Variants in SORBS2 observed in about 807,000 individuals in gnomAD.
SORBS2 encodes sorbin and SH3 domain-containing protein 2.
SORBS2 carries 46 observed loss-of-function variants against 97.7 expected under a neutral mutation model. That is an observed-to-expected ratio of 0.47 (90% confidence interval 0.37 to 0.60). The LOEUF (loss-of-function observed/expected upper bound fraction) is 0.60. SORBS2 is among the 20% of genes least tolerant of loss of function. The pLI is 0.00. For missense variants in SORBS2, 1,316 were observed against 1,282.3 expected (o/e 1.03, Z -0.40); for synonymous variants, 476 against 473.4 (o/e 1.01, Z -0.07).
At chr4:185,788,554 A>G (rs1397455226) in intron 1 of SORBS2, among the ~76,000 whole-genome samples, 8 of 152,218 alleles carry the variant, frequency 5.3e-5, no homozygotes, top group Non-Finnish European at 8.8e-5. Flanking sequence ...AATTATTCGT[A>G]CAAGGCTCGC....
At chr4:185,718,744 GGTGA>G (rs1215481122) in intron 2 of SORBS2, among the ~76,000 whole-genome samples, 1 of 152,160 alleles carries the variant, frequency 6.6e-6, no homozygotes, top group African/African-American at 2.4e-5. Context: ...TCATTAACTG[GGTGA>G]GTGTCTTTAG....
intron 2 of SORBS2, among the ~76,000 whole-genome samples, chr4:185,718,196 A>G (rs1489987556): frequency 1.3e-5 from 2 of 152,136 alleles, no homozygotes; most frequent in Admixed American, 1.3e-4. Flanking sequence ...GCGCCATTGC[A>G]CTTCAGCCTG....
intron 2 of SORBS2, among the ~76,000 whole-genome samples, chr4:185,744,045 C>G (rs1281404781): frequency 7.3e-6 from 1 of 137,648 alleles, no homozygotes; most frequent in Non-Finnish European, 1.6e-5. Context: ...ACTTTCTTCC[C>G]CTTCTTCCTC....
At chr4:185,721,015 A>G (rs1436929446) in intron 2 of SORBS2, among the ~76,000 whole-genome samples, 2 of 149,664 alleles carry the variant, frequency 1.3e-5, no homozygotes, top group East Asian at 2.0e-4. Flanking sequence ...TGCTCAGAGG[A>G]TAGTGTGAGA....
In SORBS2 at chr4:185,910,711, G is replaced by C. The variant is rs2099254510; in HGVS notation, c.-338+45485C>G. 2.0e-5 allele frequency among the ~76,000 whole-genome samples: 3 copies of C among 152,046 alleles called. No individual in the cohort carries two copies. The South Asian group carries it at 6.2e-4, about 32-fold the overall frequency. On this transcript the variant is annotated intron_variant, in intron 1 of 20. Transcript: ENST00000284776. ...CCACCTCAGCCTCCTGAGTCGCCGAGATGGCAGGCATGAGCCAGCACATCT... is the reference window on the plus strand; with the variant it reads ...CCACCTCAGCCTCCTGAGTCGCCGACATGGCAGGCATGAGCCAGCACATCT...
At chr4:185,626,718 A>G in intron 6 of SORBS2, 114 bp downstream of exon 18, 1 of 988,158 alleles carries the variant, frequency 1.0e-6, no homozygotes, top group Middle Eastern at 2.2e-4. Context: ...ATTTTATTCC[A>G]GACACTGTAG....
chr4:185,899,113 C>T (rs1021547090), intron 1 of SORBS2, among the ~76,000 whole-genome samples: 3 of 152,156 alleles, frequency 2.0e-5, no homozygotes, highest in Non-Finnish European at 4.4e-5. Flanking sequence ...TCAGGGCAGC[C>T]TCTGACAGAG....
intron 1 of SORBS2, among the ~76,000 whole-genome samples, chr4:185,876,552 C>T (rs2099233765): frequency 6.6e-6 from 1 of 152,184 alleles, no homozygotes; most frequent in Non-Finnish European, 1.5e-5. Flanking sequence ...TGTTTTATCA[C>T]TAAGCACTTT....
intron 1 of SORBS2, among the ~76,000 whole-genome samples, chr4:185,844,742 G>T (rs2099213559): frequency 6.6e-6 from 1 of 151,988 alleles, no homozygotes; most frequent in Non-Finnish European, 1.5e-5. Flanking sequence ...AGAAAAGATG[G>T]CATATTCATA....
At chr4:185,666,294 C>T (rs2097597076) in intron 4 of SORBS2, 5 of 654,128 alleles carry the variant, frequency 7.6e-6, no homozygotes, top group Non-Finnish European at 7.0e-6. Context: ...GGCAAAGCAT[C>T]GGTTTTATTT....
At chr4:185,838,646 T>C (rs1323285431) in intron 1 of SORBS2, among the ~76,000 whole-genome samples, 1 of 152,218 alleles carries the variant, frequency 6.6e-6, no homozygotes, top group Non-Finnish European at 1.5e-5. Context: ...CTTTGCCTTT[T>C]TTCCTGCCTT....
intron 3 of SORBS2, among the ~76,000 whole-genome samples, chr4:185,649,262 T>C (rs1177442555): frequency 6.6e-6 from 1 of 152,208 alleles, no homozygotes; most frequent in African/African-American, 2.4e-5. Context: ...AAGTCTAATT[T>C]AGGGCACTCC....
intron 2 of SORBS2, among the ~76,000 whole-genome samples, chr4:185,693,476 A>C (rs1015693617): frequency 6.6e-6 from 1 of 152,148 alleles, no homozygotes; most frequent in Non-Finnish European, 1.5e-5. Flanking sequence ...GGACAAAATA[A>C]ATGGAAAAGA....
intron 1 of SORBS2, among the ~76,000 whole-genome samples, chr4:185,909,277 T>C (rs554075962): frequency 3.3e-5 from 5 of 152,318 alleles, no homozygotes; most frequent in Admixed American, 3.3e-4. Flanking sequence ...TTACCTTAAG[T>C]GAAACAACTC....
intron 12 of SORBS2, among the ~76,000 whole-genome samples, chr4:185,599,567 A>G (rs1561317282): frequency 6.6e-6 from 1 of 152,234 alleles, no homozygotes; most frequent in Non-Finnish European, 1.5e-5. Flanking sequence ...AAAAAATCCA[A>G]ATTGAATGAC....
intron 5 of SORBS2, among the ~76,000 whole-genome samples, chr4:185,629,822 A>G (rs1561525671): frequency 6.6e-6 from 1 of 151,938 alleles, no homozygotes; most frequent in East Asian, 1.9e-4. Flanking sequence ...CAGCCTCCCA[A>G]CTGCTGGGAT....
At position 185,606,260 on chromosome 4, in the gene SORBS2, T is replaced by C; in HGVS notation, c.2796+5520A>G. The stretch of plus-strand genomic sequence containing the variant: ...GATGTGGAGTTTTTAGAATAGTGTC[T>C]GATACTCAGTAAGAGCTCCACTATT... On this transcript the variant is annotated intron_variant, in intron 12 of 14. Transcript: ENST00000418609. The surrounding 1 kb of genome is among the most constrained non-coding windows in gnomAD (Gnocchi z 4.3). The C allele has an allele frequency of 1.0e-6, 1 of 984,956 alleles. No individual in the cohort carries two copies. The highest frequency in any genetic ancestry group is 1.2e-6 in the Non-Finnish European group (1 of 829,500). 61.0% of individuals were successfully genotyped at this position (984,956 alleles called of 1,614,324 possible).
chr4:185,855,447 C>T (rs1056283021), intron 1 of SORBS2, among the ~76,000 whole-genome samples: 1 of 152,062 alleles, frequency 6.6e-6, no homozygotes, highest in Non-Finnish European at 1.5e-5. Flanking sequence ...CACTTTACAC[C>T]GAGAACACTA....
intron 1 of SORBS2, among the ~76,000 whole-genome samples, chr4:185,952,425 G>A (rs781004558): frequency 1.3e-5 from 2 of 152,234 alleles, no homozygotes; most frequent in Non-Finnish European, 2.9e-5. Context: ...GAGGTCACCT[G>A]AGAACACCGG....
Sources: gnomAD v4.1 joint callset for allele counts (sites outside exome capture counted in the v4.1 genomes callset) on GRCh38, gnomAD v4.1.1 for gene constraint, Gnocchi (gnomAD v3.1) non-coding constraint, MANE v1.5 for transcripts, NCBI Gene and HGNC (gene_info 2026-07-23, HGNC 2026-07-21) for gene names.